Variants in LRP1B observed in about 807,000 individuals in gnomAD.
LRP1B encodes the protein LDL receptor related protein 1B.
LRP1B carries 217 observed loss-of-function variants against 556.6 expected under a neutral mutation model. The ratio of observed to expected loss-of-function variants is 0.39; its 90% CI spans 0.35 to 0.44. The LOEUF (loss-of-function observed/expected upper bound fraction) is 0.44, where lower values mean the gene tolerates loss of function less well. Ranked by LOEUF, LRP1B falls within the 20% of genes least tolerant of loss-of-function variation. LRP1B has a pLI of 1.00. For missense variants in LRP1B, 5,053 were observed against 5,620.8 expected, an observed-to-expected ratio of 0.90 and a Z score of 3.23; for synonymous variants, 2,047 against 1,865.8, an observed-to-expected ratio of 1.10 and a Z score of -2.50.
At chr2:141,775,637 T>C (rs533042048) in intron 2 of LRP1B, among the ~76,000 whole-genome samples, 29 of 152,274 alleles carry the variant, frequency 1.9e-4, no homozygotes, top group African/African-American at 6.3e-4. Context: ...AGTGAACTCA[T>C]GTCAACAAAT....
intron 2 of LRP1B, among the ~76,000 whole-genome samples, chr2:141,784,286 T>C (rs1284592288): frequency 1.3e-5 from 2 of 151,986 alleles, no homozygotes; most frequent in African/African-American, 2.4e-5. Context: ...TTAGTATTTA[T>C]ATAGTAATCA....
chr2:141,810,740 G>A (rs942667409), intron 1 of LRP1B, among the ~76,000 whole-genome samples: 2 of 152,000 alleles, frequency 1.3e-5, no homozygotes, highest in Non-Finnish European at 2.9e-5. Context: ...TTGAATCAAA[G>A]CAGAGGCTCT....
chr2:140,626,611 C>T (rs1404457854), intron 41 of LRP1B, among the ~76,000 whole-genome samples: 3 of 149,846 alleles, frequency 2.0e-5, no homozygotes, highest in Admixed American at 6.7e-5. Context: ...ATTACAGATA[C>T]AGGAATATCT....
chr2:141,426,532 T>C (rs1680369921), intron 3 of LRP1B, among the ~76,000 whole-genome samples: 1 of 152,076 alleles, frequency 6.6e-6, no homozygotes, highest in Non-Finnish European at 1.5e-5. Flanking sequence ...ATACCAAAGC[T>C]TCTTTGAAAT....
At chr2:140,918,172 T>C (rs1694633136) in intron 21 of LRP1B, among the ~76,000 whole-genome samples, 1 of 140,716 alleles carries the variant, frequency 7.1e-6, no homozygotes, top group Non-Finnish European at 1.5e-5. Flanking sequence ...ATCATTCTGC[T>C]GTAGATTTCT....
intron 2 of LRP1B, among the ~76,000 whole-genome samples, chr2:141,787,336 C>T (rs1695459476): frequency 6.6e-6 from 1 of 151,786 alleles, no homozygotes. Context: ...TGGAAACAAC[C>T]CAAATGCTTT....
At chr2:140,420,137 T>C (rs1458620270) in intron 66 of LRP1B, among the ~76,000 whole-genome samples, 1 of 151,620 alleles carries the variant, frequency 6.6e-6, no homozygotes, top group East Asian at 1.9e-4. Context: ...TTTAGAAATT[T>C]ATAGAAAGTA....
At chr2:140,946,410 G>C (rs1181174435) in intron 20 of LRP1B, among the ~76,000 whole-genome samples, 1 of 152,070 alleles carries the variant, frequency 6.6e-6, no homozygotes, top group Non-Finnish European at 1.5e-5. Flanking sequence ...GACCAGCCTG[G>C]CCAACATGGT....
At chr2:142,015,125 A>T (rs1220417101) in intron 1 of LRP1B, among the ~76,000 whole-genome samples, 2 of 152,202 alleles carry the variant, frequency 1.3e-5, no homozygotes, top group Non-Finnish European at 2.9e-5. Context: ...AGTTACTTTT[A>T]TAAATATTAC....
rs775025618 is a variant in LRP1B, at chr2:140,776,273, A to G, written c.5360-35T>C. The G allele has an allele frequency of 2.9e-6, 4 of 1,361,734 alleles. No individual in the cohort carries two copies. The East Asian group carries it at 1.1e-4, about 37-fold the overall frequency. The allele number at this position is 1,361,734 out of a possible 1,614,324, so 84.4% of individuals were successfully genotyped here. On this transcript the variant is annotated intron_variant, in intron 32 of 90. Coordinates refer to ENST00000389484, the MANE Select transcript of LRP1B (RefSeq NM_018557.3). Reference sequence around the variant, plus strand: ...GGAAAGATATTTTTTAAAGGAAAGTATAATTATCTTATTAAATAATAATAA... The same window carrying G: ...GGAAAGATATTTTTTAAAGGAAAGTGTAATTATCTTATTAAATAATAATAA...
chr2:141,154,501 T>C (rs1702017805), intron 7 of LRP1B, among the ~76,000 whole-genome samples: 1 of 151,914 alleles, frequency 6.6e-6, no homozygotes, highest in Admixed American at 6.6e-5. Context: ...CATCTCTCTA[T>C]GGGCTAATTT....
intron 4 of LRP1B, among the ~76,000 whole-genome samples, chr2:141,253,303 T>C (rs1269746450): frequency 1.3e-5 from 2 of 152,190 alleles, no homozygotes; most frequent in East Asian, 1.9e-4. Flanking sequence ...GATTTTCAAA[T>C]GTTGTCTTAA....
At position 141,152,764 on chromosome 2, in the gene LRP1B, T is replaced by C. The variant is rs532992021; in HGVS notation, c.1013+35657A>G. Reference sequence around the variant, plus strand: ...TCTCAAATATTTTATTATCACATTATCTTTAATGAATGAATCGGTTAAATT... The same window carrying C: ...TCTCAAATATTTTATTATCACATTACCTTTAATGAATGAATCGGTTAAATT... On this transcript the variant is annotated intron_variant, in intron 7 of 90. Coordinates refer to ENST00000389484, the MANE Select transcript of LRP1B (RefSeq NM_018557.3). 7.2e-4 allele frequency among the ~76,000 whole-genome samples: 109 copies of C among 151,956 alleles called. No homozygotes were observed. In the Middle Eastern group the frequency reaches 0.014, roughly 19 times the overall value.
In LRP1B at chr2:140,536,311, T is replaced by TAAAAAA. The variant is rs70988404; in HGVS notation, c.7642+264_7642+269dup. Among the ~76,000 whole-genome samples the TAAAAAA allele has an allele frequency of 5.3e-4, 33 of 61,894 alleles. 1 individual carries two copies. Among genetic ancestry groups the TAAAAAA allele is most frequent in the Middle Eastern group, 0.022 (1 of 46 alleles). The allele number at this position is 61,894 out of a possible 152,430, so 40.6% of individuals were successfully genotyped here. On this transcript the variant is annotated intron_variant, in intron 46 of 90. Transcript: ENST00000389484. The stretch of plus-strand genomic sequence containing the variant: ...GCAACACAATGAGACCCCGTCTCTT[T>TAAAAAA]AAAAAAAAAAAAAAAAAAAAAAAAA...
At chr2:141,810,250 C>A in intron 2 of LRP1B, 29 bp downstream of exon 2, 1 of 1,609,292 alleles carries the variant, frequency 6.2e-7, no homozygotes, top group South Asian at 1.1e-5. Flanking sequence ...TAAGGTAAAT[C>A]CGAATGGCAT....
At chr2:141,578,940 T>G (rs1686857858) in intron 2 of LRP1B, among the ~76,000 whole-genome samples, 1 of 152,208 alleles carries the variant, frequency 6.6e-6, no homozygotes, top group Non-Finnish European at 1.5e-5. Context: ...CATGACGATT[T>G]GAGTTTCCAG....
At chr2:140,750,596 T>C (rs1239180769) in intron 35 of LRP1B, among the ~76,000 whole-genome samples, 1 of 152,148 alleles carries the variant, frequency 6.6e-6, no homozygotes, top group Non-Finnish European at 1.5e-5. Flanking sequence ...TGTTACCCAT[T>C]TCTTCTAATA....
intron 2 of LRP1B, among the ~76,000 whole-genome samples, chr2:141,657,735 C>T (rs939979219): frequency 2.0e-5 from 3 of 152,078 alleles, no homozygotes; most frequent in Non-Finnish European, 4.4e-5. Context: ...ATGTGTGTAT[C>T]TGTGTGATTG....
At chr2:140,302,806 C>A (rs1330755930) in intron 83 of LRP1B, among the ~76,000 whole-genome samples, 1 of 151,874 alleles carries the variant, frequency 6.6e-6, no homozygotes, top group African/African-American at 2.4e-5. Context: ...AGACTTACAC[C>A]TGAATTGCTT....
Sources: allele counts gnomAD v4.1 joint callset (sites outside exome capture counted in the v4.1 genomes callset), GRCh38; gene constraint gnomAD v4.1.1; transcripts MANE v1.5; gene names NCBI Gene and HGNC (gene_info 2026-07-23, HGNC 2026-07-21).